The following CD2BP2 variants were observed in gnomAD, a reference collection of about 807,000 sequenced individuals.
CD2BP2 encodes the protein CD2 antigen cytoplasmic tail-binding protein 2.
A neutral mutation model predicts 35.9 loss-of-function variants in CD2BP2; 27 were observed. The observed-to-expected ratio is 0.75, with a 90% CI of 0.55 to 1.04. CD2BP2 has a LOEUF of 1.04. Among genes scored for constraint, CD2BP2 ranks in the 50% least tolerant of loss-of-function variants. The pLI is 0.00. For synonymous variants in CD2BP2, 213 were observed against 173.5 expected, an observed-to-expected ratio of 1.23 and a Z score of -1.79; for missense variants, 497 against 444.3, an observed-to-expected ratio of 1.12 and a Z score of -1.07.
Position 30,352,853 on chromosome 16 carries a change from A to C in CD2BP2, c.*132T>G. 1.5e-6 allele frequency: 1 copy of C among 666,954 alleles called. No homozygotes were observed. 41.3% of individuals were successfully genotyped at this position (666,954 alleles called of 1,614,324 possible). A position where few individuals can be genotyped will look rare whatever the true frequency, so the allele number is the denominator to read the frequency against. ...AGCACAGCCAAGGCCCCAGTACACA[A>C]CTAAAGGCTTTTATTGGGAAAGGGA... is the stretch of plus-strand genomic sequence containing the variant. On this transcript the variant is annotated 3_prime_UTR_variant, in exon 7 of 7. Coordinates refer to ENST00000305596, the MANE Select transcript of CD2BP2 (RefSeq NM_006110.3).
Position 30,353,804 on chromosome 16 carries a change from T to C in CD2BP2, c.376-4A>G, listed in dbSNP as rs2049507660. The C allele has an allele frequency of 6.2e-7, 1 of 1,604,762 alleles. No individual in the cohort carries two copies. Among genetic ancestry groups the C allele is most frequent in the African/African-American group, 1.3e-5 (1 of 74,886 alleles). On this transcript the variant is annotated splice_region_variant and splice_polypyrimidine_tract_variant and intron_variant, in intron 4 of 6. Coordinates refer to ENST00000305596, the MANE Select transcript of CD2BP2 (RefSeq NM_006110.3). ...GTGGCCGCTCCCGGATCTTCACCTG[T>C]AATGGGAAGATGGAGTGATTTCCCA...
Position 30,352,819 on chromosome 16 carries a change from C to T in CD2BP2, c.*166G>A, listed in dbSNP as rs2049493211. 1.6e-6 allele frequency: 1 copy of T among 612,050 alleles called. No individual in the cohort carries two copies. The highest frequency in any genetic ancestry group is 1.9e-5 in the African/African-American group (1 of 53,954). 37.9% of individuals were successfully genotyped at this position (612,050 alleles called of 1,614,324 possible). ...GGACTGTGGAGAAGGCCCCTGGCTT[C>T]TGGCCATCAGCACAGCCAAGGCCCC... On this transcript the variant is annotated 3_prime_UTR_variant, in exon 7 of 7. Coordinates refer to ENST00000305596, the MANE Select transcript of CD2BP2 (RefSeq NM_006110.3).
intron 3 of CD2BP2, 58 bp downstream of exon 3, chr16:30,354,126 C>T: frequency 6.2e-7 from 1 of 1,613,026 alleles, no homozygotes; most frequent in Non-Finnish European, 8.5e-7. Flanking sequence ...CCTCGCTCCA[C>T]ACCACCAGAG....
rs774533095 is a variant in CD2BP2 at position 30,352,973 on chromosome 16, C to A, written c.*12G>T. The A allele has an allele frequency of 6.4e-7, 1 of 1,570,464 alleles. No individual in the cohort carries two copies. Among genetic ancestry groups the A allele is most frequent in the Non-Finnish European group, 8.8e-7 (1 of 1,140,514 alleles). On this transcript the variant is annotated 3_prime_UTR_variant, in exon 7 of 7. Coordinates refer to ENST00000305596, the MANE Select transcript of CD2BP2 (RefSeq NM_006110.3). ...GGAAAGAAGGGCCCACCAAACTGGG[C>A]CCCCAGCAGGCTCAGGTGTAGAGGT...
chr16:30,352,646 A>G lies in CD2BP2; in HGVS notation c.*339T>C, dbSNP rs1406871718. Reference sequence around the variant, plus strand: ...GCCAAAGACCTAAGAGGAATCGAACAAGAAACCTGGGAGAGGAGCACAGAG... The same window carrying G: ...GCCAAAGACCTAAGAGGAATCGAACGAGAAACCTGGGAGAGGAGCACAGAG... On this transcript the variant is annotated 3_prime_UTR_variant, in exon 7 of 7. Coordinates refer to ENST00000305596, the MANE Select transcript of CD2BP2 (RefSeq NM_006110.3). 1 of 278,742 alleles carries G rather than the reference A, an allele frequency of 3.6e-6. No individual in the cohort carries two copies. Among genetic ancestry groups the G allele is most frequent in the Non-Finnish European group, 6.9e-6 (1 of 145,586 alleles). The allele number at this position is 278,742 out of a possible 1,614,324, so 17.3% of individuals were successfully genotyped here.
chr16:30,353,139 G>A (rs1238501977), intron 6 of CD2BP2, 42 bp downstream of exon 6: 4 of 1,607,296 alleles, frequency 2.5e-6, no homozygotes, highest in African/African-American at 2.7e-5. Context: ...ACAGGAGTGG[G>A]GGAAGCAGGG....
rs141894460 is a variant in CD2BP2, at chr16:30,353,069, C to T, written c.942G>A (p.Pro314=). The T allele has an allele frequency of 6.1e-5, 99 of 1,614,002 alleles. No individual in the cohort carries two copies. In the African/African-American group the frequency reaches 1.0e-3, roughly 17 times the overall value. Residue 314 remains proline, a synonymous_variant, in exon 7 of 7, where the codon CCG becomes CCA. Transcript: ENST00000305596. ...MQTWVSEGYF[P]DGVYCRKLDP... ...CCAGCTTCCGGCAATAAACACCGTC[C>T]GGGAAGTAGCCTTCACTCACCCAGG...
At position 30,352,957 on chromosome 16, in the gene CD2BP2, G is replaced by A. The variant is rs773097558; in HGVS notation, c.*28C>T. On this transcript the variant is annotated 3_prime_UTR_variant, in exon 7 of 7. Coordinates refer to ENST00000305596, the MANE Select transcript of CD2BP2 (RefSeq NM_006110.3). Reference sequence around the variant, plus strand: ...TCCTCCACAAAGTCCAGGAAAGAAGGGCCCACCAAACTGGGCCCCCAGCAG... The same window carrying A: ...TCCTCCACAAAGTCCAGGAAAGAAGAGCCCACCAAACTGGGCCCCCAGCAG... The A allele has an allele frequency of 7.0e-7, 1 of 1,424,120 alleles. No individual in the cohort carries two copies. Among genetic ancestry groups the A allele is most frequent in the Non-Finnish European group, 9.9e-7 (1 of 1,006,868 alleles). The allele number at this position is 1,424,120 out of a possible 1,614,324, so 88.2% of individuals were successfully genotyped here. A position where few individuals can be genotyped will look rare whatever the true frequency, so the allele number is the denominator to read the frequency against.
chr16:30,354,533 C>T (rs1387067003), intron 2 of CD2BP2, 71 bp downstream of exon 2: 18 of 1,545,004 alleles, frequency 1.2e-5, no homozygotes, highest in Non-Finnish European at 1.6e-5. Context: ...CCGCCCCTCT[C>T]CCGCCAGCTT....
Position 30,353,450 on chromosome 16 carries a change from G to A in CD2BP2, c.726C>T (p.Pro242=). The A allele has an allele frequency of 6.2e-7, 1 of 1,614,082 alleles. No homozygotes were observed. The highest frequency in any genetic ancestry group is 8.5e-7 in the Non-Finnish European group (1 of 1,179,994). The change falls in exon 5 of 7, where the codon CCC becomes CCT. Residue 242 remains proline (P), a synonymous_variant. Coordinates refer to ENST00000305596, the MANE Select transcript of CD2BP2 (RefSeq NM_006110.3). ...ACATGTCCAGGGAGGGTGGGGGTGT[G>A]GGATTGTGGGGTCCTAGGGTCTGAC... ...LGCQTLGPHN[P]TPPPSLDMFA...
At position 30,352,374 on chromosome 16, in the gene CD2BP2, G is replaced by A. The variant is rs765484031; in HGVS notation, c.*611C>T. 2 of 153,844 alleles carry A rather than the reference G, an allele frequency of 1.3e-5. No homozygotes were observed. The highest frequency in any genetic ancestry group is 2.4e-5 in the African/African-American group (1 of 41,460). The allele number at this position is 153,844 out of a possible 1,614,324, so 9.5% of individuals were successfully genotyped here. Reference sequence around the variant, plus strand: ...TGTGGGAACGACGGCAAGGATAGAGGAAAGCCAGATTAGGGAAGACACTGG... The same window carrying A: ...TGTGGGAACGACGGCAAGGATAGAGAAAAGCCAGATTAGGGAAGACACTGG... On this transcript the variant is annotated 3_prime_UTR_variant, in exon 7 of 7. Transcript: ENST00000305596.
In CD2BP2 at chr16:30,353,687, C is replaced by T. The variant is rs1381138665; in HGVS notation, c.489G>A (p.Glu163=). 3 of 1,613,854 alleles carry T rather than the reference C, an allele frequency of 1.9e-6. No individual in the cohort carries two copies. The highest frequency in any genetic ancestry group is 1.3e-5 in the African/African-American group (1 of 75,044). Residue 163 remains glutamate, a synonymous_variant, in exon 5 of 7, where the codon GAG becomes GAA. Coordinates refer to ENST00000305596, the MANE Select transcript of CD2BP2 (RefSeq NM_006110.3). The part of the protein sequence containing the change: ...SAQALLEGLL[E]LLLPRETVAG... ...CCACTGTCTCTCTAGGCAATAGGAGCTCCAAAAGTCCCTCCAAGAGGGCTT... is the reference window on the plus strand; with the variant it reads ...CCACTGTCTCTCTAGGCAATAGGAGTTCCAAAAGTCCCTCCAAGAGGGCTT...
At chr16:30,354,123 C>T (rs192334233) in intron 3 of CD2BP2, 61 bp downstream of exon 3, 16 of 1,612,324 alleles carry the variant, frequency 9.9e-6, no homozygotes, top group Admixed American at 1.7e-5. Context: ...CTCCCTCGCT[C>T]CACACCACCA....
chr16:30,351,100 G>T lies in CD2BP2; in HGVS notation c.*1885C>A, dbSNP rs1277965572. On this transcript the variant is annotated 3_prime_UTR_variant, in exon 7 of 7. Coordinates refer to ENST00000305596, the MANE Select transcript of CD2BP2 (RefSeq NM_006110.3). The stretch of plus-strand genomic sequence containing the variant: ...CGAAATCCTGAACTGAAGCACAGGC[G>T]CCGGGTCCCTTTTGCCACGCAAGGT... 1 of 152,638 alleles carries T rather than the reference G, an allele frequency of 6.6e-6. No homozygotes were observed. Among genetic ancestry groups the T allele is most frequent in the Non-Finnish European group, 1.5e-5 (1 of 68,070 alleles). The allele number at this position is 152,638 out of a possible 1,614,324, so 9.5% of individuals were successfully genotyped here.
rs2049483910 is a variant in CD2BP2, at chr16:30,351,776, G to C, written c.*1209C>G. The C allele has an allele frequency of 6.6e-6, 1 of 152,658 alleles. No homozygotes were observed. Among genetic ancestry groups the C allele is most frequent in the Non-Finnish European group, 1.5e-5 (1 of 68,446 alleles). 9.5% of individuals were successfully genotyped at this position (152,658 alleles called of 1,614,324 possible). On this transcript the variant is annotated 3_prime_UTR_variant, in exon 7 of 7. Coordinates refer to ENST00000305596, the MANE Select transcript of CD2BP2 (RefSeq NM_006110.3). Reference sequence around the variant, plus strand: ...TCCCGCTAGGTGTGCCTAAACCATGGGGATCTGACTCAGGGGCTCTCTCTC... The same window carrying C: ...TCCCGCTAGGTGTGCCTAAACCATGCGGATCTGACTCAGGGGCTCTCTCTC...
chr16:30,354,565 C>T, intron 2 of CD2BP2, 39 bp downstream of exon 2: 4 of 1,595,660 alleles, frequency 2.5e-6, no homozygotes, highest in Non-Finnish European at 3.4e-6. Flanking sequence ...AGGCTTCTAG[C>T]TCCTCTTTCC....
In CD2BP2 at chr16:30,350,961, A is replaced by G. The variant is rs1302710047; in HGVS notation, c.*2024T>C. On this transcript the variant is annotated 3_prime_UTR_variant, in exon 7 of 7. Coordinates refer to ENST00000305596, the MANE Select transcript of CD2BP2 (RefSeq NM_006110.3). Reference sequence around the variant, plus strand: ...GGCCCCAGGCCTTCTTGCCATCTTCACAGCCAGAAGCTTCCTTGCTTCATG... The same window carrying G: ...GGCCCCAGGCCTTCTTGCCATCTTCGCAGCCAGAAGCTTCCTTGCTTCATG... The G allele has an allele frequency of 6.6e-6, 1 of 152,608 alleles. No homozygotes were observed. Among genetic ancestry groups the G allele is most frequent in the Non-Finnish European group, 1.5e-5 (1 of 68,058 alleles). 9.5% of individuals were successfully genotyped at this position (152,608 alleles called of 1,614,324 possible).
Position 30,353,224 on chromosome 16 carries a change from C to G in CD2BP2, c.872G>C (p.Gly291Ala). 12 of 1,614,182 alleles carry G rather than the reference C, an allele frequency of 7.4e-6. No homozygotes were observed. The highest frequency in any genetic ancestry group is 1.0e-5 in the Non-Finnish European group (12 of 1,180,024). The change falls in exon 6 of 7, where the codon GGG becomes GCG. Residue 291 changes from glycine to alanine, a missense_variant. Transcript: ENST00000305596. Reference protein sequence around the residue: ...VMWEYKWENTGDAELYGPFTS... With the variant: ...VMWEYKWENTADAELYGPFTS... ...GAAGGGCCCATACAGCTCGGCATCC[C>G]CCGTGTTCTCCCACTTATATTCCCA...
Position 30,354,248 on chromosome 16 carries a change from C to T in CD2BP2, c.153G>A (p.Glu51=). 1.2e-6 allele frequency: 2 copies of T among 1,614,088 alleles called. No homozygotes were observed. The highest frequency in any genetic ancestry group is 1.7e-6 in the Non-Finnish European group (2 of 1,180,008). ...ACCCCCCATCATCATCATCCTCCTC[C>T]TCATCGCTATCCAAAGAGTGTTTGC... ...FKGKHSLDSD[E]EEDDDDGGSS... Residue 51 remains glutamate, a synonymous_variant, in exon 3 of 7, where the codon GAG becomes GAA. Coordinates refer to ENST00000305596, the MANE Select transcript of CD2BP2 (RefSeq NM_006110.3).
Sources: gnomAD v4.1 joint callset for allele counts on GRCh38, gnomAD v4.1.1 for gene constraint, MANE v1.5 for transcripts, NCBI Gene and HGNC (gene_info 2026-07-23, HGNC 2026-07-21) for gene names.